Variants in ABCC6 observed in about 807,000 individuals in gnomAD.
ABCC6 encodes the protein ATP-binding cassette sub-family C member 6.
ABCC6 carries 126 observed loss-of-function variants against 169.5 expected under a neutral mutation model. The observed-to-expected ratio is 0.74, with a 90% CI of 0.64 to 0.86. The LOEUF (loss-of-function observed/expected upper bound fraction) is 0.86, where lower values mean the gene tolerates loss of function less well. Among genes scored for constraint, ABCC6 ranks in the 40% least tolerant of loss-of-function variants. ABCC6 has a pLI of 0.00. For missense variants in ABCC6, 1,733 were observed against 1,927.2 expected (o/e 0.90, Z 1.89); for synonymous variants, 752 against 814.7 (o/e 0.92, Z 1.31).
At chr16:16,183,795 C>G (rs773279540) in intron 15 of ABCC6, among the ~76,000 whole-genome samples, 2 of 152,094 alleles carry the variant, frequency 1.3e-5, no homozygotes, top group Non-Finnish European at 2.9e-5. Context: ...ACGACAGCCC[C>G]CAACAAAGGA....
intron 20 of ABCC6, among the ~76,000 whole-genome samples, chr16:16,174,764 C>T (rs967476411): frequency 8.2e-6 from 1 of 121,996 alleles, no homozygotes; most frequent in African/African-American, 2.7e-5. Context: ...CTCAAAACCC[C>T]CCCCCGCAAA....
At chr16:16,162,869 G>T in intron 24 of ABCC6, 124 bp downstream of exon 24, 1 of 1,261,592 alleles carries the variant, frequency 7.9e-7, no homozygotes, top group Non-Finnish European at 1.2e-6. Context: ...CTGCCTGTGG[G>T]ATCTAGCCTC....
chr16:16,221,160 TAGA>T (rs2049057721), intron 2 of ABCC6: 5 of 489,296 alleles, frequency 1.0e-5, no homozygotes, highest in Non-Finnish European at 1.1e-5. Flanking sequence ...AAGAATGGAG[TAGA>T]AGAGGATGGA....
chr16:16,201,915 T>C (rs1773886079), intron 9 of ABCC6, 86 bp downstream of exon 9: 4 of 1,502,976 alleles, frequency 2.7e-6, no homozygotes, highest in Middle Eastern at 1.8e-4. Context: ...ACTGAATGCG[T>C]TCTCAGCTGC....
At chr16:16,198,880 G>C (rs2048145493) in intron 9 of ABCC6, among the ~76,000 whole-genome samples, 1 of 152,056 alleles carries the variant, frequency 6.6e-6, no homozygotes, top group African/African-American at 2.4e-5. Context: ...TGTAATCCCA[G>C]CTACTTGGGA....
intron 10 of ABCC6, among the ~76,000 whole-genome samples, chr16:16,193,699 G>A: frequency 6.6e-6 from 1 of 152,220 alleles, no homozygotes; most frequent in East Asian, 1.9e-4. Flanking sequence ...GGGTGGCAGA[G>A]TGAGACTCCG....
rs539419407 is a variant in ABCC6, at chr16:16,170,983, T to G, written c.2788-1130A>C. Reference sequence around the variant, plus strand: ...GAAAGAAAGAAAGAAATTCCAAGCTTCTTATCTCGCCCCCACTCACTGCCT... The same window carrying G: ...GAAAGAAAGAAAGAAATTCCAAGCTGCTTATCTCGCCCCCACTCACTGCCT... On this transcript the variant is annotated intron_variant, in intron 21 of 30. Coordinates refer to ENST00000205557, the MANE Select transcript of ABCC6 (RefSeq NM_001171.6). Among the ~76,000 whole-genome samples the G allele has an allele frequency of 2.0e-5, 3 of 147,896 alleles. No homozygotes were observed. The East Asian group carries it at 6.0e-4, about 30-fold the overall frequency.
chr16:16,159,853 G>A (rs1251517314), intron 25 of ABCC6, among the ~76,000 whole-genome samples: 2 of 152,196 alleles, frequency 1.3e-5, no homozygotes, highest in Non-Finnish European at 2.9e-5. Flanking sequence ...ATGCAGGTGA[G>A]TAGACAGGAT....
chr16:16,157,797 G>A lies in ABCC6; in HGVS notation c.3748C>T (p.Leu1250=), dbSNP rs1281036351. The change falls in exon 27 of 31, where the codon CTG becomes TTG. Residue 1250 remains leucine (L), a synonymous_variant. Transcript: ENST00000205557. ...AWTPKEAPWR[L]PTCAAQPPWP... is the part of the protein sequence containing the mutation. ...GGGGGCTGAGCTGCACATGTGGGCA[G>A]CCTCCAGGGAGCCTGGAGCAGGAGG... 1.9e-6 allele frequency: 3 copies of A among 1,611,938 alleles called. No individual in the cohort carries two copies. The highest frequency in any genetic ancestry group is 2.5e-6 in the Non-Finnish European group (3 of 1,179,852).
rs908051202 is a variant in ABCC6 at position 16,182,744 on chromosome 16, C to T, written c.2070+60G>A. 3.4e-5 allele frequency: 54 copies of T among 1,610,352 alleles called. 1 individual carries two copies. The highest frequency in any genetic ancestry group is 1.1e-4 in the South Asian group (10 of 90,938). On this transcript the variant is annotated intron_variant, in intron 16 of 30. Transcript: ENST00000205557. Reference sequence around the variant, plus strand: ...TGGGATGGGGAGGGTGGGAAGGCAGCGAGGAAGTGGGACTTTCAGGATGGG... The same window carrying T: ...TGGGATGGGGAGGGTGGGAAGGCAGTGAGGAAGTGGGACTTTCAGGATGGG...
intron 24 of ABCC6, 145 bp from the exon 25 acceptor site, chr16:16,161,709 G>A: frequency 1.8e-6 from 2 of 1,128,642 alleles, no homozygotes; most frequent in Non-Finnish European, 2.6e-6. Flanking sequence ...GGCTCAGGGA[G>A]TAGAGGAAGA....
In ABCC6 at chr16:16,165,894, C is replaced by T. The variant is rs772505132; in HGVS notation, c.3035G>A (p.Gly1012Asp). 11 of 1,612,972 alleles carry T rather than the reference C, an allele frequency of 6.8e-6. No individual in the cohort carries two copies. The South Asian group carries it at 9.9e-5, about 14-fold the overall frequency. Residue 1012 changes from glycine (G) to aspartate (D), a missense_variant, in exon 23 of 31, where the codon GGT becomes GAT. Gly to Asp is a moderately conservative substitution (Grantham distance 94). This residue lies in a region of ABCC6 where 1,601 missense variants were observed against 1,635.5 expected (regional missense o/e 0.98). Coordinates refer to ENST00000205557, the MANE Select transcript of ABCC6 (RefSeq NM_001171.6). Reference sequence around the variant, plus strand: ...GAGCAACCTGGATGCCCGGGCCCCACCTAGGAGCACCGCAGCCATGGAGGC... The same window carrying T: ...GAGCAACCTGGATGCCCGGGCCCCATCTAGGAGCACCGCAGCCATGGAGGC... ...LFASMAAVLL[G>D]GARASRLLFQ... is the part of the protein sequence containing the mutation.
chr16:16,186,365 C>T (rs1293166081), intron 14 of ABCC6, among the ~76,000 whole-genome samples: 1 of 152,024 alleles, frequency 6.6e-6, no homozygotes, highest in Non-Finnish European at 1.5e-5. Flanking sequence ...AGTCCTCAAC[C>T]CCCAGGCCAC....
chr16:16,216,687 GT>G (rs1267008989), intron 4 of ABCC6, among the ~76,000 whole-genome samples: 1 of 143,674 alleles, frequency 7.0e-6, no homozygotes, highest in East Asian at 2.0e-4. Flanking sequence ...TTCTTCCTAA[GT>G]TTTTTGCTTG....
chr16:16,207,402 A>G (rs1398232025), intron 7 of ABCC6, among the ~76,000 whole-genome samples: 1 of 152,194 alleles, frequency 6.6e-6, no homozygotes, highest in Non-Finnish European at 1.5e-5. Context: ...CTGAACTTGC[A>G]TGGGAAGGGA....
At chr16:16,177,673 T>C (rs1371802197) in intron 18 of ABCC6, 47 bp from the exon 19 acceptor site, 23 of 1,608,272 alleles carry the variant, frequency 1.4e-5, no homozygotes, top group Non-Finnish European at 1.9e-5. Flanking sequence ...CCGGGTGCAG[T>C]GGCTCATGCC....
Position 16,154,721 on chromosome 16 carries a change from C to CAGAT in ABCC6, c.4111_4114dup (p.Trp1372TyrfsTer27). ...GAGCTGCACCGTCTCCAGGGCTGCC[C>CAGAT]AGATAGCCTCGTCCGAGTGCTCCTG... On this transcript the variant is annotated frameshift_variant, in exon 29 of 31. Coordinates refer to ENST00000205557, the MANE Select transcript of ABCC6 (RefSeq NM_001171.6). LOFTEE classifies it high-confidence loss of function. 6.2e-7 allele frequency: 1 copy of CAGAT among 1,613,528 alleles called. No individual in the cohort carries two copies. The highest frequency in any genetic ancestry group is 8.5e-7 in the Non-Finnish European group (1 of 1,179,884).
intron 25 of ABCC6, 143 bp downstream of exon 25, chr16:16,161,295 G>C (rs2046708164): frequency 2.4e-6 from 3 of 1,271,456 alleles, no homozygotes; most frequent in Non-Finnish European, 2.2e-6. Context: ...GGCTCTTGTA[G>C]AGCTGCGTGT....
chr16:16,157,708 C>A lies in ABCC6; in HGVS notation c.3837G>T (p.Pro1279=), dbSNP rs61294695. ...TGAAGGACACGCCCTGCACAGCCAG[C>A]GGGAGCTCAGGTCGGTATCTTAGCC... ...DFGLRYRPEL[P]LAVQGVSFKI... Residue 1279 remains proline, a synonymous_variant, in exon 27 of 31, where the codon CCG becomes CCT. Transcript: ENST00000205557. 1 of 1,614,012 alleles carries A rather than the reference C, an allele frequency of 6.2e-7. No individual in the cohort carries two copies. Among genetic ancestry groups the A allele is most frequent in the African/African-American group, 1.3e-5 (1 of 75,006 alleles).
Sources: gnomAD v4.1 joint callset for allele counts (sites outside exome capture counted in the v4.1 genomes callset) on GRCh38, gnomAD v4.1.1 for gene constraint, gnomAD v4.1.1 regional missense constraint, MANE v1.5 for transcripts, NCBI Gene and HGNC (gene_info 2026-07-23, HGNC 2026-07-21) for gene names.